The following PLPPR3 variants were observed in gnomAD, a reference collection of about 807,000 sequenced individuals.
PLPPR3 encodes phospholipid phosphatase-related protein type 3.
Under a neutral mutation model 27.3 loss-of-function variants are expected in PLPPR3, and 14 were observed. That is an observed-to-expected ratio of 0.51 (90% CI 0.34 to 0.80). The LOEUF is 0.80. Among genes scored for constraint, PLPPR3 ranks in the 30% least tolerant of loss-of-function variants. The pLI, the probability that PLPPR3 is intolerant of heterozygous loss-of-function variation, is 0.01. For missense variants in PLPPR3, 1,287 were observed against 1,056.9 expected, an observed-to-expected ratio of 1.22 and a Z score of -3.02; for synonymous variants, 671 against 508.0, an observed-to-expected ratio of 1.32 and a Z score of -4.32.
In PLPPR3 at chr19:813,086, G is replaced by A. The variant is rs1192996120; in HGVS notation, c.1641C>T (p.Gly547=). ...TCTCGGCCGCCTTGGGGCCCGGCGCGCCCGGAGCCTTGGACATGGCGATGA... is the reference window on the plus strand; with the variant it reads ...TCTCGGCCGCCTTGGGGCCCGGCGCACCCGGAGCCTTGGACATGGCGATGA... ...LQVIAMSKAP[G]APGPKAAETA... The change falls in exon 8 of 8, where the codon GGC becomes GGT. Residue 547 remains glycine (G), a synonymous_variant. Coordinates refer to ENST00000520876, the MANE Select transcript of PLPPR3 (RefSeq NM_001270366.2). This position sits in a 1 kb window ranked among gnomAD's most constrained non-coding sequence, Gnocchi z 4.1. The A allele has an allele frequency of 2.0e-6, 3 of 1,497,266 alleles. No individual in the cohort carries two copies. Among genetic ancestry groups the A allele is most frequent in the Admixed American group, 2.3e-5 (1 of 43,646 alleles). 92.7% of individuals were successfully genotyped at this position (1,497,266 alleles called of 1,614,324 possible).
At position 812,537 on chromosome 19, in the gene PLPPR3, G is replaced by GCCCCCCCCCCC; in HGVS notation, c.*32_*33insGGGGGGGGGGG. 1 of 965,818 alleles carries GCCCCCCCCCCC rather than the reference G, an allele frequency of 1.0e-6. No homozygotes were observed. Among genetic ancestry groups the GCCCCCCCCCCC allele is most frequent in the Non-Finnish European group, 1.2e-6 (1 of 810,988 alleles). The allele number at this position is 965,818 out of a possible 1,614,324, so 59.8% of individuals were successfully genotyped here. Reference sequence around the variant, plus strand: ...ATCCGCGCGGCCGCCCGCGCCCTCGGCCCGCCCCCCGCCCGCCCCCGGCCC... The same window carrying GCCCCCCCCCCC: ...ATCCGCGCGGCCGCCCGCGCCCTCGGCCCCCCCCCCCCCCGCCCCCCGCCCGCCCCCGGCCC... On this transcript the variant is annotated 3_prime_UTR_variant, in exon 8 of 8. Coordinates refer to ENST00000520876, the MANE Select transcript of PLPPR3 (RefSeq NM_001270366.2).
intron 7 of PLPPR3, 56 bp downstream of exon 7, chr19:814,378 C>T: frequency 6.6e-7 from 1 of 1,505,790 alleles, no homozygotes; most frequent in South Asian, 1.3e-5. Flanking sequence ...ACTCATGCCT[C>T]CCCCCTCAGA....
Position 812,537 on chromosome 19 carries a change from G to GGCCGGCC in PLPPR3, c.*32_*33insGGCCGGC. The GGCCGGCC allele has an allele frequency of 2.1e-6, 2 of 965,818 alleles. No individual in the cohort carries two copies. Among genetic ancestry groups the GGCCGGCC allele is most frequent in the Non-Finnish European group, 2.5e-6 (2 of 810,988 alleles). 59.8% of individuals were successfully genotyped at this position (965,818 alleles called of 1,614,324 possible). On this transcript the variant is annotated 3_prime_UTR_variant, in exon 8 of 8. Coordinates refer to ENST00000520876, the MANE Select transcript of PLPPR3 (RefSeq NM_001270366.2). Reference sequence around the variant, plus strand: ...ATCCGCGCGGCCGCCCGCGCCCTCGGCCCGCCCCCCGCCCGCCCCCGGCCC... The same window carrying GGCCGGCC: ...ATCCGCGCGGCCGCCCGCGCCCTCGGGCCGGCCCCCGCCCCCCGCCCGCCCCCGGCCC...
Position 812,753 on chromosome 19 carries a change from G to T in PLPPR3, c.1974C>A (p.Thr658=). ...GCCCCTCGCCCGTGGCCAGGTTGAC[G>T]GTGGCCACGGCCCCGAACCGCGGCT... ...QEEPRFGAVA[T]VNLATGEGLP... The change falls in exon 8 of 8, where the codon ACC becomes ACA. Residue 658 remains threonine, a synonymous_variant. Coordinates refer to ENST00000520876, the MANE Select transcript of PLPPR3 (RefSeq NM_001270366.2). 9.3e-7 allele frequency: 1 copy of T among 1,074,414 alleles called. No homozygotes were observed. The highest frequency in any genetic ancestry group is 1.1e-6 in the Non-Finnish European group (1 of 886,550). 66.6% of individuals were successfully genotyped at this position (1,074,414 alleles called of 1,614,324 possible).
At position 814,695 on chromosome 19, in the gene PLPPR3, C is replaced by G. The variant is rs374519981; in HGVS notation, c.654G>C (p.Val218=). The stretch of plus-strand genomic sequence containing the variant: ...GGCAGTGAGGGGCCGGACTCACCGA[C>G]ACATAGACCGCGGCGAAGGCTGACA... ...ATLSAFAAVY[V]SMYFNSVISD... The change falls in exon 6 of 8, where the codon GTG becomes GTC. Residue 218 remains valine, a synonymous_variant. Coordinates refer to ENST00000520876, the MANE Select transcript of PLPPR3 (RefSeq NM_001270366.2). 6.3e-7 allele frequency: 1 copy of G among 1,599,198 alleles called. No individual in the cohort carries two copies. Among genetic ancestry groups the G allele is most frequent in the Non-Finnish European group, 8.5e-7 (1 of 1,175,850 alleles).
At position 818,971 on chromosome 19, in the gene PLPPR3, TTTTA is replaced by T. The variant is rs1224330122; in HGVS notation, c.75+2510_75+2513del. Among the ~76,000 whole-genome samples, 7 of 111,204 alleles carry T rather than the reference TTTTA, an allele frequency of 6.3e-5. 2 individuals are homozygous for T. In the East Asian group the frequency reaches 1.2e-3, roughly 19 times the overall value. 73.0% of individuals were successfully genotyped at this position (111,204 alleles called of 152,430 possible). ...ACTGCGCTCGGCCTTATTATTATTA[TTTTA>T]TTTATTATTATTATTTTTTGAGATG... On this transcript the variant is annotated intron_variant, in intron 2 of 7. Transcript: ENST00000520876.
chr19:814,008 T>G, intron 7 of PLPPR3, 113 bp from the exon 8 acceptor site: 1 of 1,037,070 alleles, frequency 9.6e-7, no homozygotes, highest in Non-Finnish European at 1.3e-6. Context: ...TGGCAAGCTC[T>G]TGTCCAGTGG....
rs1397027143 is a variant in PLPPR3 at position 813,432 on chromosome 19, A to C, written c.1295T>G (p.Leu432Arg). ...CGCCATGGGTTCGGCGGGCGCGCGC[A>C]GGTGCCCGGGGCTGGCGTCGTCGGG... ...GLPDDASPGH[L>R]RAPAEPMAEE... Residue 432 changes from leucine to arginine, a missense_variant, in exon 8 of 8, where the codon CTG (leucine) becomes CGG (arginine). Transcript: ENST00000520876. The surrounding 1 kb of genome is among the most constrained non-coding windows in gnomAD (Gnocchi z 4.1). The C allele has an allele frequency of 6.6e-7, 1 of 1,512,622 alleles. No homozygotes were observed. Among genetic ancestry groups the C allele is most frequent in the African/African-American group, 1.4e-5 (1 of 71,084 alleles). 93.7% of individuals were successfully genotyped at this position (1,512,622 alleles called of 1,614,324 possible). A position where few individuals can be genotyped will look rare whatever the true frequency, so the allele number is the denominator to read the frequency against.
chr19:812,737 C>T lies in PLPPR3; in HGVS notation c.1990G>A (p.Gly664Ser). 1 of 1,067,818 alleles carries T rather than the reference C, an allele frequency of 9.4e-7. No individual in the cohort carries two copies. Among genetic ancestry groups the T allele is most frequent in the Non-Finnish European group, 1.1e-6 (1 of 882,456 alleles). 66.1% of individuals were successfully genotyped at this position (1,067,818 alleles called of 1,614,324 possible). A position where few individuals can be genotyped will look rare whatever the true frequency, so the allele number is the denominator to read the frequency against. ...GAVATVNLAT[G>S]EGLPPLGAAD... ...GCGCCCAGCGGGGGCAGCCCCTCGC[C>T]CGTGGCCAGGTTGACGGTGGCCACG... The change falls in exon 8 of 8, where the codon GGC becomes AGC. Residue 664 changes from glycine to serine, a missense_variant. Gly to Ser is a moderately conservative substitution (Grantham distance 56). Coordinates refer to ENST00000520876, the MANE Select transcript of PLPPR3 (RefSeq NM_001270366.2).
rs991169314 is a variant in PLPPR3 at position 813,336 on chromosome 19, G to A, written c.1391C>T (p.Ala464Val). The A allele has an allele frequency of 1.4e-6, 2 of 1,473,048 alleles. No homozygotes were observed. The highest frequency in any genetic ancestry group is 2.9e-5 in the African/African-American group (2 of 68,956). The allele number at this position is 1,473,048 out of a possible 1,614,324, so 91.2% of individuals were successfully genotyped here. A position where few individuals can be genotyped will look rare whatever the true frequency, so the allele number is the denominator to read the frequency against. ...CACGGTGGGGTAGAGCGAGGGCGGG[G>A]CCGGGCCCTCGTCCTCCTCCTCTTC... Reference protein sequence around the residue: ...EEEEEEDEGPAPPSLYPTVQA... With the variant: ...EEEEEEDEGPVPPSLYPTVQA... Residue 464 changes from alanine to valine, a missense_variant, in exon 8 of 8, where the codon GCC (alanine) becomes GTC (valine). Physicochemically the swap from Ala to Val is moderately conservative, Grantham distance 64. Transcript: ENST00000520876. This position sits in a 1 kb window ranked among gnomAD's most constrained non-coding sequence, Gnocchi z 4.1.
upstream of PLPPR3, chr19:822,085 G>C (rs1363595613): frequency 1.3e-5 from 2 of 151,040 alleles, no homozygotes; most frequent in African/African-American, 2.4e-5. Flanking sequence ...TTGTCTGGGC[G>C]CGTCCTCCGC....
rs1599259394 is a variant in PLPPR3, at chr19:815,343, G to A, written c.262-16C>T. On this transcript the variant is annotated splice_polypyrimidine_tract_variant and intron_variant, in intron 3 of 7. Transcript: ENST00000520876. ...CCACCATGATCTGCCAACAGGGAGG[G>A]GGCGCTCAGGCCTCGGTGCCCACAG... 6.5e-7 allele frequency: 1 copy of A among 1,530,110 alleles called. No individual in the cohort carries two copies. Among genetic ancestry groups the A allele is most frequent in the East Asian group, 2.5e-5 (1 of 40,716 alleles). 94.8% of individuals were successfully genotyped at this position (1,530,110 alleles called of 1,614,324 possible).
At position 813,538 on chromosome 19, in the gene PLPPR3, C is replaced by A. The variant is rs1743476177; in HGVS notation, c.1189G>T (p.Val397Leu). The A allele has an allele frequency of 1.3e-6, 2 of 1,562,426 alleles. No individual in the cohort carries two copies. The highest frequency in any genetic ancestry group is 1.2e-5 in the South Asian group (1 of 85,468). ...DPARRHMTIH[V>L]PLDASRSKQL... Reference sequence around the variant, plus strand: ...TTGGAGCGCGAGGCGTCCAGCGGCACGTGGATGGTCATGTGGCGGCGCGCG... The same window carrying A: ...TTGGAGCGCGAGGCGTCCAGCGGCAAGTGGATGGTCATGTGGCGGCGCGCG... Residue 397 changes from valine to leucine, a missense_variant, in exon 8 of 8, where the codon GTG becomes TTG. Coordinates refer to ENST00000520876, the MANE Select transcript of PLPPR3 (RefSeq NM_001270366.2). The surrounding 1 kb of genome is among the most constrained non-coding windows in gnomAD (Gnocchi z 4.1).
chr19:814,652 G>T, intron 6 of PLPPR3, 40 bp downstream of exon 6: 1 of 1,609,592 alleles, frequency 6.2e-7, no homozygotes. Flanking sequence ...CCACGGGTCA[G>T]CAAGAGGGCC....
upstream of PLPPR3, among the ~76,000 whole-genome samples, chr19:822,554 C>T (rs1276775940): frequency 6.6e-6 from 1 of 152,172 alleles, no homozygotes; most frequent in Non-Finnish European, 1.5e-5. Context: ...TCCGCCGCGC[C>T]GGGGTCCACC....
chr19:813,630 G>A lies in PLPPR3; in HGVS notation c.1097C>T (p.Ala366Val). 1.9e-6 allele frequency: 3 copies of A among 1,541,976 alleles called. No individual in the cohort carries two copies. The highest frequency in any genetic ancestry group is 2.6e-6 in the Non-Finnish European group (3 of 1,145,560). Residue 366 changes from alanine (A) to valine (V), a missense_variant, in exon 8 of 8, where the codon GCC (alanine) becomes GTC (valine). Physicochemically the swap from Ala to Val is moderately conservative, Grantham distance 64 (BLOSUM62 0). Coordinates refer to ENST00000520876, the MANE Select transcript of PLPPR3 (RefSeq NM_001270366.2). This position sits in a 1 kb window ranked among gnomAD's most constrained non-coding sequence, Gnocchi z 4.1. ...VDLLAPRSPMAKENMVTFSHT... is the reference protein window; with the variant it reads ...VDLLAPRSPMVKENMVTFSHT... ...GCTGAAGGTCACCATGTTCTCCTTG[G>A]CCATGGGGCTGCGCGGGGCCAGCAG...
At chr19:814,030 A>G (rs759534358) in intron 7 of PLPPR3, 135 bp from the exon 8 acceptor site, 23 of 830,232 alleles carry the variant, frequency 2.8e-5, no homozygotes, top group Non-Finnish European at 3.7e-5. Context: ...ACCGGTTCCC[A>G]CCCCAAGGTT....
chr19:812,669 C>T lies in PLPPR3; in HGVS notation c.2058G>A (p.Leu686=), dbSNP rs1243216406. 28 of 1,054,680 alleles carry T rather than the reference C, an allele frequency of 2.7e-5. No individual in the cohort carries two copies. The highest frequency in any genetic ancestry group is 5.7e-5 in the Admixed American group (1 of 17,406). The allele number at this position is 1,054,680 out of a possible 1,614,324, so 65.3% of individuals were successfully genotyped here. Residue 686 remains leucine, a synonymous_variant, in exon 8 of 8, where the codon CTG becomes CTA. Coordinates refer to ENST00000520876, the MANE Select transcript of PLPPR3 (RefSeq NM_001270366.2). ...ALGPGSREST[L]RRHAGGLGLA... Reference sequence around the variant, plus strand: ...GCCCCAGGCCGCCCGCGTGGCGCCGCAGCGTGGACTCCCGGCTGCCCGGGC... The same window carrying T: ...GCCCCAGGCCGCCCGCGTGGCGCCGTAGCGTGGACTCCCGGCTGCCCGGGC...
rs972838386 is a variant in PLPPR3 at position 821,549 on chromosome 19, G to A, written c.11C>T (p.Thr4Ile). The change falls in exon 2 of 8, where the codon ACC (threonine) becomes ATC (isoleucine). Residue 4 changes from threonine (T) to isoleucine (I), a missense_variant. Physicochemically the swap from Thr to Ile is moderately conservative, Grantham distance 89. Transcript: ENST00000520876. ...CTTCGGGATCTTGTTCTTCTCCTTGGTGGAGATCATGGTGCCGCGGGCGCC... is the reference window on the plus strand; with the variant it reads ...CTTCGGGATCTTGTTCTTCTCCTTGATGGAGATCATGGTGCCGCGGGCGCC... MIS[T>I]KEKNKIPKDS... 1 of 1,497,044 alleles carries A rather than the reference G, an allele frequency of 6.7e-7. No individual in the cohort carries two copies. The highest frequency in any genetic ancestry group is 8.9e-7 in the Non-Finnish European group (1 of 1,118,892). The allele number at this position is 1,497,044 out of a possible 1,614,324, so 92.7% of individuals were successfully genotyped here.
Sources: gnomAD v4.1 joint callset for allele counts (sites outside exome capture counted in the v4.1 genomes callset) on GRCh38, gnomAD v4.1.1 for gene constraint, Gnocchi (gnomAD v3.1) non-coding constraint, MANE v1.5 for transcripts, NCBI Gene and HGNC (gene_info 2026-07-23, HGNC 2026-07-21) for gene names.